AFG1L: variants seen among roughly 807,000 people sequenced by gnomAD.
AFG1L encodes the protein AFG1 like ATPase.
A neutral mutation model predicts 62.2 loss-of-function variants in AFG1L; 53 were observed. The observed-to-expected ratio is 0.85, with a 90% CI of 0.68 to 1.07. The LOEUF is 1.07. Ranked by LOEUF, AFG1L falls within the 50% of genes least tolerant of loss-of-function variation. The pLI is 0.00. For synonymous variants in AFG1L, 228 were observed against 210.3 expected (o/e 1.08, Z -0.73); for missense variants, 555 against 590.5 (o/e 0.94, Z 0.62).
intron 4 of AFG1L, among the ~76,000 whole-genome samples, chr6:108,356,354 A>G (rs1779286320): frequency 6.6e-6 from 1 of 152,218 alleles, no homozygotes. Flanking sequence ...GGGCAGGATC[A>G]CATCCTCTGC....
intron 10 of AFG1L, among the ~76,000 whole-genome samples, chr6:108,485,670 T>A (rs1210223432): frequency 1.5e-4 from 12 of 77,884 alleles, no homozygotes; most frequent in East Asian, 8.8e-4. Flanking sequence ...TTTTTTTTTT[T>A]TTTTTTTTTT....
chr6:108,476,470 C>T lies in AFG1L; in HGVS notation c.891-395C>T, dbSNP rs549961821. Among the ~76,000 whole-genome samples, 6 of 152,284 alleles carry T rather than the reference C, an allele frequency of 3.9e-5. No individual in the cohort carries two copies. The South Asian group carries it at 1.2e-3, about 32-fold the overall frequency. Reference sequence around the variant, plus strand: ...AAAATGCAGCTTCAATATTTAATTTCACATGTACCCTCTCAGTAGAGATTT... The same window carrying T: ...AAAATGCAGCTTCAATATTTAATTTTACATGTACCCTCTCAGTAGAGATTT... On this transcript the variant is annotated intron_variant, in intron 8 of 12. Transcript: ENST00000368977.
intron 6 of AFG1L, among the ~76,000 whole-genome samples, chr6:108,370,689 A>G (rs974029037): frequency 6.6e-6 from 1 of 152,142 alleles, no homozygotes; most frequent in Non-Finnish European, 1.5e-5. Flanking sequence ...ATACTGAGGA[A>G]AAAGGAAAGG....
chr6:108,509,033 A>G (rs1774532049), intron 10 of AFG1L, among the ~76,000 whole-genome samples: 1 of 152,170 alleles, frequency 6.6e-6, no homozygotes, highest in African/African-American at 2.4e-5. Flanking sequence ...CGACTCCAGC[A>G]GGGCCAGAAA....
intron 6 of AFG1L, among the ~76,000 whole-genome samples, chr6:108,389,631 T>C (rs1190831552): frequency 6.6e-6 from 1 of 152,138 alleles, no homozygotes; most frequent in Non-Finnish European, 1.5e-5. Flanking sequence ...TCTCCTTCAC[T>C]TATGAAGCTT....
intron 7 of AFG1L, among the ~76,000 whole-genome samples, chr6:108,418,050 T>C (rs889551096): frequency 6.6e-6 from 1 of 152,118 alleles, no homozygotes; most frequent in Non-Finnish European, 1.5e-5. Context: ...GCCAGGATGG[T>C]CTCAATTTCC....
intron 7 of AFG1L, among the ~76,000 whole-genome samples, chr6:108,404,397 T>C (rs1781761400): frequency 6.6e-6 from 1 of 152,174 alleles, no homozygotes; most frequent in Admixed American, 6.5e-5. Flanking sequence ...GCTTGGGATA[T>C]TGAAAAATAA....
At chr6:108,468,302 A>G (rs1772750013) in intron 8 of AFG1L, among the ~76,000 whole-genome samples, 1 of 152,184 alleles carries the variant, frequency 6.6e-6, no homozygotes, top group Admixed American at 6.5e-5. Context: ...CTAAAAATGT[A>G]TTTGTTTTAC....
At chr6:108,334,081 C>G (rs531685823) in intron 2 of AFG1L, among the ~76,000 whole-genome samples, 1 of 152,056 alleles carries the variant, frequency 6.6e-6, no homozygotes, top group African/African-American at 2.4e-5. Flanking sequence ...GATCTCGGCT[C>G]ACTGTAACCT....
At chr6:108,485,642 ATATATATATATATAT>A (rs1773520552) in intron 10 of AFG1L, among the ~76,000 whole-genome samples, 1 of 17,792 alleles carries the variant, frequency 5.6e-5, no homozygotes, top group Non-Finnish European at 1.1e-4. Context: ...ATATATATAT[ATATATATATATATAT>A]TTTTTTTTTT....
At chr6:108,335,251 G>A (rs149806941) in intron 2 of AFG1L, among the ~76,000 whole-genome samples, 1 of 148,486 alleles carries the variant, frequency 6.7e-6, no homozygotes, top group Non-Finnish European at 1.5e-5. Context: ...GATTACAGGT[G>A]TGAGCCACTG....
intron 8 of AFG1L, among the ~76,000 whole-genome samples, chr6:108,452,173 C>T (rs1030962686): frequency 6.6e-6 from 1 of 152,086 alleles, no homozygotes; most frequent in African/African-American, 2.4e-5. Flanking sequence ...CAAGGGTGAC[C>T]CCATCTCATG....
chr6:108,338,433 C>G (rs1778550810), intron 2 of AFG1L, among the ~76,000 whole-genome samples: 1 of 152,186 alleles, frequency 6.6e-6, no homozygotes, highest in Non-Finnish European at 1.5e-5. Context: ...CAGAGAATCA[C>G]AATGCCATTA....
intron 1 of AFG1L, among the ~76,000 whole-genome samples, chr6:108,316,779 G>A (rs555709563): frequency 6.6e-6 from 1 of 152,050 alleles, no homozygotes; most frequent in South Asian, 2.1e-4. Context: ...TGATCTGCCC[G>A]CCTTGGCCTC....
chr6:108,392,988 G>T (rs1781125863), intron 6 of AFG1L, among the ~76,000 whole-genome samples: 1 of 151,962 alleles, frequency 6.6e-6, no homozygotes, highest in Admixed American at 6.6e-5. Context: ...AATCCTCTTT[G>T]TTTGTGTTTC....
chr6:108,503,522 C>T (rs991693142), intron 10 of AFG1L, among the ~76,000 whole-genome samples: 5 of 152,110 alleles, frequency 3.3e-5, no homozygotes, highest in South Asian at 2.1e-4. Context: ...GCTTAAAATA[C>T]GTAGTAAACC....
chr6:108,514,143 T>G (rs1452783750), intron 11 of AFG1L, among the ~76,000 whole-genome samples: 1 of 152,072 alleles, frequency 6.6e-6, no homozygotes, highest in East Asian at 1.9e-4. Context: ...CAAAGGCAGA[T>G]AAAACCACAA....
chr6:108,388,942 C>T (rs566708607), intron 6 of AFG1L, among the ~76,000 whole-genome samples: 1 of 152,246 alleles, frequency 6.6e-6, no homozygotes, highest in South Asian at 2.1e-4. Context: ...TGTTAACTTT[C>T]TGTCTTGTTG....
At chr6:108,435,172 G>A (rs961184192) in intron 7 of AFG1L, among the ~76,000 whole-genome samples, 1 of 152,190 alleles carries the variant, frequency 6.6e-6, no homozygotes, top group Admixed American at 6.5e-5. Context: ...CAGCCTGAGG[G>A]ATAGGGACAC....
Sources: allele counts gnomAD v4.1 joint callset (sites outside exome capture counted in the v4.1 genomes callset), GRCh38; gene constraint gnomAD v4.1.1; transcripts MANE v1.5; gene names NCBI Gene and HGNC (gene_info 2026-07-23, HGNC 2026-07-21).